The following PLA1A variants were observed in gnomAD, a reference collection of about 807,000 sequenced individuals.
PLA1A encodes phosphatidylserine-specific phospholipase A1alpha.
Under a neutral mutation model 49.4 loss-of-function variants are expected in PLA1A, and 47 were observed. That is an observed-to-expected ratio of 0.95 (90% CI 0.75 to 1.21). The LOEUF is 1.21. Among genes scored for constraint, PLA1A ranks in the 50% most tolerant of loss-of-function variants. The probability of loss-of-function intolerance (pLI) is 0.00; values close to 1 mark genes in which losing one functional copy is unlikely to be tolerated. For synonymous variants in PLA1A, 224 were observed against 207.9 expected, an observed-to-expected ratio of 1.08 and a Z score of -0.67; for missense variants, 561 against 563.9, an observed-to-expected ratio of 0.99 and a Z score of 0.05.
intron 2 of PLA1A, among the ~76,000 whole-genome samples, chr3:119,607,687 A>C (rs1312177182): frequency 6.6e-6 from 1 of 152,182 alleles, no homozygotes; most frequent in East Asian, 1.9e-4. Flanking sequence ...AGACTCAGCT[A>C]CATGTTTCCT....
intron 3 of PLA1A, 105 bp downstream of exon 3, chr3:119,609,052 C>G (rs540239329): frequency 1.1e-6 from 1 of 889,964 alleles, no homozygotes; most frequent in South Asian, 1.6e-5. Context: ...GCAGAGTCAC[C>G]AGGTAGCTCG....
Position 119,601,342 on chromosome 3 carries a change from G to A in PLA1A, c.73+3356G>A, listed in dbSNP as rs957344351. On this transcript the variant is annotated intron_variant, in intron 1 of 10. Coordinates refer to ENST00000273371, the MANE Select transcript of PLA1A (RefSeq NM_015900.4). Reference sequence around the variant, plus strand: ...CCATGAGCAGCCCAGGCGGGTGAAGGGAGCTCTGTCATATATGCCTGAGAG... The same window carrying A: ...CCATGAGCAGCCCAGGCGGGTGAAGAGAGCTCTGTCATATATGCCTGAGAG... Among the ~76,000 whole-genome samples, 5 of 152,262 alleles carry A rather than the reference G, an allele frequency of 3.3e-5. No individual in the cohort carries two copies. In the East Asian group the frequency reaches 9.6e-4, roughly 29 times the overall value.
intron 5 of PLA1A, among the ~76,000 whole-genome samples, chr3:119,614,374 C>T (rs975418568): frequency 3.3e-5 from 5 of 152,120 alleles, no homozygotes; most frequent in Middle Eastern, 3.4e-3. Flanking sequence ...GAGGCCAAGG[C>T]GGGTGGATCA....
chr3:119,622,991 T>C (rs1409740027), intron 8 of PLA1A, among the ~76,000 whole-genome samples: 2 of 151,806 alleles, frequency 1.3e-5, no homozygotes, highest in African/African-American at 4.8e-5. Flanking sequence ...CACACCCTGC[T>C]AATTTTTTTG....
intron 8 of PLA1A, chr3:119,620,094 C>A: frequency 2.2e-6 from 1 of 457,636 alleles, no homozygotes; most frequent in South Asian, 1.5e-5. Context: ...CAGCTTCTCA[C>A]TGTTGCTCCT....
chr3:119,617,889 G>C (rs2082871932), intron 6 of PLA1A, 130 bp from the exon 7 acceptor site: 2 of 615,882 alleles, frequency 3.2e-6, no homozygotes, highest in Admixed American at 5.8e-5. Flanking sequence ...TTCTGAAAAA[G>C]TGATTTGAGG....
intron 4 of PLA1A, among the ~76,000 whole-genome samples, chr3:119,610,057 T>C (rs186381725): frequency 1.3e-5 from 2 of 152,350 alleles, no homozygotes; most frequent in Admixed American, 6.5e-5. Flanking sequence ...CTCCCACTTA[T>C]AAGTGAAAAC....
At chr3:119,598,914 T>A (rs1010690313) in intron 1 of PLA1A, among the ~76,000 whole-genome samples, 1 of 152,222 alleles carries the variant, frequency 6.6e-6, no homozygotes, top group Non-Finnish European at 1.5e-5. Flanking sequence ...TGGGTGGTTT[T>A]TCAGAGGTGC....
At position 119,617,883 on chromosome 3, in the gene PLA1A, GAA is replaced by G. The variant is rs2082871865; in HGVS notation, c.755-132_755-131del. On this transcript the variant is annotated intron_variant, in intron 6 of 10. Coordinates refer to ENST00000273371, the MANE Select transcript of PLA1A (RefSeq NM_015900.4). ...TAGTAACCATGTACACTAATATTCT[GAA>G]AAAGTGATTTGAGGGGACTCCCATG... 4 of 604,438 alleles carry G rather than the reference GAA, an allele frequency of 6.6e-6. No individual in the cohort carries two copies. In the East Asian group the frequency reaches 1.1e-4, roughly 17 times the overall value. 37.4% of individuals were successfully genotyped at this position (604,438 alleles called of 1,614,324 possible).
At chr3:119,608,070 T>G (rs976798383) in intron 2 of PLA1A, among the ~76,000 whole-genome samples, 1 of 152,148 alleles carries the variant, frequency 6.6e-6, no homozygotes, top group African/African-American at 2.4e-5. Context: ...TTTGTCTTTA[T>G]TTTTTGGAAA....
chr3:119,621,265 T>C (rs1471793), intron 8 of PLA1A, among the ~76,000 whole-genome samples: 75,860 of 152,138 alleles, frequency 0.5, 19,570 homozygotes, highest in East Asian at 0.89. Context: ...CAGGGCCATG[T>C]TTTTTCTGAC....
At chr3:119,626,560 G>A (rs1315254824) in intron 9 of PLA1A, among the ~76,000 whole-genome samples, 1 of 152,178 alleles carries the variant, frequency 6.6e-6, no homozygotes, top group African/African-American at 2.4e-5. Context: ...GCCAGACCCT[G>A]CCAGGCCTTG....
chr3:119,622,146 GGAGGAAGAAGAAGAAGAAGAA>G (rs1335903898), intron 8 of PLA1A, among the ~76,000 whole-genome samples: 2 of 120,860 alleles, frequency 1.7e-5, no homozygotes, highest in Non-Finnish European at 3.3e-5. Context: ...AGGAGGAGGA[GGAGGAAGAAGAAGAAGAAGAA>G]GAAGAAGAAG....
chr3:119,597,940 C>A lies in PLA1A; in HGVS notation c.27C>A (p.Cys9Ter). The A allele has an allele frequency of 6.2e-7, 1 of 1,610,994 alleles. No homozygotes were observed. The highest frequency in any genetic ancestry group is 8.5e-7 in the Non-Finnish European group (1 of 1,178,568). The stretch of plus-strand genomic sequence containing the variant: ...TGCCCCCAGGTCCCTGGGAGAGCTG[C>A]TTCTGGGTGGGGGGCCTCATTTTGT... MPPGPWES[C>*]FWVGGLILWL... Residue 9 changes from cysteine (C) to a stop codon, truncating the protein, a stop_gained, in exon 1 of 11, where the codon TGC becomes TGA. Coordinates refer to ENST00000273371, the MANE Select transcript of PLA1A (RefSeq NM_015900.4). LOFTEE classifies it high-confidence loss of function.
At chr3:119,600,429 C>T in intron 1 of PLA1A, 1 of 702,890 alleles carries the variant, frequency 1.4e-6, no homozygotes, top group Non-Finnish European at 2.6e-6. Flanking sequence ...TTTGTGTTCT[C>T]TCAGTACCTA....
intron 2 of PLA1A, 134 bp downstream of exon 2, chr3:119,607,109 T>G: frequency 1.4e-6 from 1 of 704,698 alleles, no homozygotes; most frequent in Non-Finnish European, 2.5e-6. Context: ...CATATCCTGC[T>G]GTCTTTGATG....
Position 119,597,998 on chromosome 3 carries a change from C to T in PLA1A, c.73+12C>T. On this transcript the variant is annotated intron_variant, in intron 1 of 10. Coordinates refer to ENST00000273371, the MANE Select transcript of PLA1A (RefSeq NM_015900.4). The stretch of plus-strand genomic sequence containing the variant: ...CGTTGGAAGTTCAGGTAAGCCAGGG[C>T]TCAGGCCTTGGGAGGAACTTATTTC... The T allele has an allele frequency of 6.4e-7, 1 of 1,567,336 alleles. No homozygotes were observed.
chr3:119,617,982 T>C, intron 6 of PLA1A, 37 bp from the exon 7 acceptor site: 1 of 1,538,894 alleles, frequency 6.5e-7, no homozygotes, highest in Non-Finnish European at 8.9e-7. Context: ...TCCATTTGTC[T>C]TGACTGAAAC....
chr3:119,603,914 C>T (rs2082650031), intron 1 of PLA1A, among the ~76,000 whole-genome samples: 1 of 152,216 alleles, frequency 6.6e-6, no homozygotes. Flanking sequence ...CAGCTCTTCA[C>T]TATGAGTTGG....
Sources: allele counts gnomAD v4.1 joint callset (sites outside exome capture counted in the v4.1 genomes callset), GRCh38; gene constraint gnomAD v4.1.1; transcripts MANE v1.5; gene names NCBI Gene and HGNC (gene_info 2026-07-23, HGNC 2026-07-21).